Variants in MIA3 observed in about 807,000 individuals in gnomAD.
The protein encoded by MIA3 is transport and Golgi organization protein 1 homolog.
A neutral mutation model predicts 192.4 loss-of-function variants in MIA3; 90 were observed. The observed-to-expected ratio is 0.47, with a 90% CI of 0.39 to 0.56. The LOEUF (loss-of-function observed/expected upper bound fraction) is 0.56, where lower values mean the gene tolerates loss of function less well. Ranked by LOEUF, MIA3 falls within the 20% of genes least tolerant of loss-of-function variation. The probability of loss-of-function intolerance (pLI) is 0.00; values close to 1 mark genes in which losing one functional copy is unlikely to be tolerated. For synonymous variants in MIA3, 740 were observed against 792.8 expected, an observed-to-expected ratio of 0.93 and a Z score of 1.12; for missense variants, 2,123 against 2,269.4, an observed-to-expected ratio of 0.94 and a Z score of 1.31.
intron 6 of MIA3, among the ~76,000 whole-genome samples, chr1:222,643,149 C>T (rs766504429): frequency 6.8e-5 from 10 of 147,196 alleles, no homozygotes; most frequent in African/African-American, 2.6e-4. Context: ...GAGACAGTCA[C>T]TCAATTTTTT....
intron 6 of MIA3, chr1:222,641,953 C>G (rs892912689): frequency 2.7e-6 from 1 of 363,776 alleles, no homozygotes. Context: ...CAATGAAATG[C>G]TACTCAGCAA....
At chr1:222,623,375 C>T (rs1045091754) in intron 2 of MIA3, among the ~76,000 whole-genome samples, 5 of 151,430 alleles carry the variant, frequency 3.3e-5, no homozygotes. Context: ...ATTTCCCTTT[C>T]CCTATATACC....
Position 222,650,864 on chromosome 1 carries a change from A to G in MIA3, c.3870A>G (p.Leu1290=), listed in dbSNP as rs2124904038. The change falls in exon 11 of 28, where the codon CTA becomes CTG. Residue 1290 remains leucine (L), a synonymous_variant. Transcript: ENST00000344922. ...CAGCTAAAAATCTTCGTGTTATGCT[A>G]GAATCTGAGAGAGAACAGAATGTCA... ...DDTAKNLRVM[L]ESEREQNVKN... is the part of the protein sequence containing the mutation. The G allele has an allele frequency of 6.2e-7, 1 of 1,607,740 alleles. No individual in the cohort carries two copies. Among genetic ancestry groups the G allele is most frequent in the Non-Finnish European group, 8.5e-7 (1 of 1,177,466 alleles).
At chr1:222,644,570 TA>T in intron 6 of MIA3, 1 of 1,550,610 alleles carries the variant, frequency 6.4e-7, no homozygotes, top group Non-Finnish European at 8.7e-7. Context: ...GCAGCCTTCA[TA>T]GCCAAGCTGC....
At chr1:222,627,467 T>C in intron 3 of MIA3, 108 bp from the exon 4 acceptor site, 1 of 1,013,310 alleles carries the variant, frequency 9.9e-7, no homozygotes, top group Non-Finnish European at 1.5e-6. Flanking sequence ...CAAAAGCTCC[T>C]CTAGAGCCAA....
chr1:222,648,864 CT>C lies in MIA3; in HGVS notation c.3631+20del. 13 of 1,437,382 alleles carry C rather than the reference CT, an allele frequency of 9.0e-6. No homozygotes were observed. Among genetic ancestry groups the C allele is most frequent in the South Asian group, 2.4e-5 (2 of 83,376 alleles). 89.0% of individuals were successfully genotyped at this position (1,437,382 alleles called of 1,614,324 possible). Reference sequence around the variant, plus strand: ...GAGTATATCAAGGTAAATCTTTAGGCTTTTTTGTTATTTGTACTAGTCCCTC... The same window carrying C: ...GAGTATATCAAGGTAAATCTTTAGGCTTTTTGTTATTTGTACTAGTCCCTC... On this transcript the variant is annotated intron_variant, in intron 8 of 27. Transcript: ENST00000344922.
chr1:222,664,016 G>T lies in MIA3; in HGVS notation c.5281G>T (p.Gly1761Trp), dbSNP rs77642140. The T allele has an allele frequency of 6.2e-7, 1 of 1,613,410 alleles. No individual in the cohort carries two copies. The highest frequency in any genetic ancestry group is 1.7e-5 in the Admixed American group (1 of 59,920). ...DEGKVNMAPK[G>W]PPPFPGVPLM... ...TCTGCAGGTTAATATGGCTCCAAAA[G>T]GGCCCCCTCCTTTCCCAGGAGTCCC... Residue 1761 changes from glycine (G) to tryptophan (W), a missense_variant, in exon 27 of 28, where the codon GGG (glycine) becomes TGG (tryptophan). Gly to Trp is a radical substitution (Grantham distance 184). This residue lies in a region of MIA3 where 762 missense variants were observed against 856.4 expected (regional missense o/e 0.89). Transcript: ENST00000344922.
intron 6 of MIA3, among the ~76,000 whole-genome samples, chr1:222,634,685 G>A (rs1287200327): frequency 6.6e-6 from 1 of 152,148 alleles, no homozygotes; most frequent in Non-Finnish European, 1.5e-5. Flanking sequence ...AGGCCAGGTT[G>A]CCCTTAGGGC....
In MIA3 at chr1:222,628,550, C is replaced by G. The variant is rs1158930648; in HGVS notation, c.1330C>G (p.Leu444Val). 2.5e-6 allele frequency: 4 copies of G among 1,613,976 alleles called. No homozygotes were observed. The East Asian group carries it at 8.9e-5, about 36-fold the overall frequency. Residue 444 changes from leucine (L) to valine (V), a missense_variant, in exon 4 of 28, where the codon CTT (leucine) becomes GTT (valine). By Grantham distance (32) the Leu-to-Val change is conservative. Coordinates refer to ENST00000344922, the MANE Select transcript of MIA3 (RefSeq NM_198551.4). ...YSDPDNVDDG[L>V]FIVDIPKTNN... ...TGACCCTGACAATGTAGATGATGGT[C>G]TTTTTATTGTAGACATTCCTAAAAC...
intron 1 of MIA3, among the ~76,000 whole-genome samples, chr1:222,620,420 G>A (rs1310557861): frequency 2.0e-5 from 3 of 152,162 alleles, no homozygotes; most frequent in African/African-American, 7.2e-5. Context: ...TTTGTTTATA[G>A]AAAAATATAC....
Position 222,655,249 on chromosome 1 carries a change from A to G in MIA3, c.4607+456A>G, listed in dbSNP as rs1381920705. Among the ~76,000 whole-genome samples, 3 of 152,272 alleles carry G rather than the reference A, an allele frequency of 2.0e-5. 1 individual carries two copies. The highest frequency in any genetic ancestry group is 4.4e-5 in the Non-Finnish European group (3 of 68,042). ...TTTAGTTTTGGACTTCACAGAGTAA[A>G]ATATTCAAACTAAACATAATTGTGG... On this transcript the variant is annotated intron_variant, in intron 18 of 27. Coordinates refer to ENST00000344922, the MANE Select transcript of MIA3 (RefSeq NM_198551.4).
rs1339862950 is a variant in MIA3, at chr1:222,660,283, C to T, written c.5082C>T (p.Leu1694=). 2 of 1,613,922 alleles carry T rather than the reference C, an allele frequency of 1.2e-6. No individual in the cohort carries two copies. The highest frequency in any genetic ancestry group is 1.7e-6 in the Non-Finnish European group (2 of 1,179,868). Reference sequence around the variant, plus strand: ...CCGTGAGACCTCTCTCTGCTACTCTCAATCGAAGAGATATGCCTAGAAGTG... The same window carrying T: ...CCGTGAGACCTCTCTCTGCTACTCTTAATCGAAGAGATATGCCTAGAAGTG... The part of the protein sequence containing the change: ...EPPVRPLSAT[L]NRRDMPRSEF... Residue 1694 remains leucine, a synonymous_variant, in exon 24 of 28, where the codon CTC becomes CTT. Coordinates refer to ENST00000344922, the MANE Select transcript of MIA3 (RefSeq NM_198551.4).
Position 222,628,231 on chromosome 1 carries a change from A to G in MIA3, c.1011A>G (p.Glu337=). 6.2e-7 allele frequency: 1 copy of G among 1,614,152 alleles called. No homozygotes were observed. Among genetic ancestry groups the G allele is most frequent in the Non-Finnish European group, 8.5e-7 (1 of 1,180,030 alleles). Residue 337 remains glutamate (E), a synonymous_variant, in exon 4 of 28, where the codon GAA becomes GAG. Transcript: ENST00000344922. ...ELPLLTFTDG[E]DMKTPAKSGV... is the part of the protein sequence containing the mutation. ...CATTACTTACCTTTACAGATGGGGA[A>G]GATATGAAAACTCCAGCAAAGTCTG...
intron 6 of MIA3, among the ~76,000 whole-genome samples, chr1:222,633,817 C>T (rs768390194): frequency 6.6e-6 from 1 of 150,572 alleles, no homozygotes; most frequent in Non-Finnish European, 1.5e-5. Context: ...TTTGGGGAAG[C>T]CAGGGAAGCG....
chr1:222,648,894 A>G lies in MIA3; in HGVS notation c.3631+44A>G, dbSNP rs1162389408. On this transcript the variant is annotated intron_variant, in intron 8 of 27. Coordinates refer to ENST00000344922, the MANE Select transcript of MIA3 (RefSeq NM_198551.4). ...TTGTTATTTGTACTAGTCCCTCTGT[A>G]TTGGTGTTTGATATGGATTTTATAT... 3 of 1,256,106 alleles carry G rather than the reference A, an allele frequency of 2.4e-6. No individual in the cohort carries two copies. The African/African-American group carries it at 4.5e-5, about 19-fold the overall frequency. 77.8% of individuals were successfully genotyped at this position (1,256,106 alleles called of 1,614,324 possible).
At position 222,642,139 on chromosome 1, in the gene MIA3, A is replaced by G. The variant is rs543618762; in HGVS notation, c.3478-3415A>G. Among the ~76,000 whole-genome samples, 3 of 152,296 alleles carry G rather than the reference A, an allele frequency of 2.0e-5. No homozygotes were observed. The South Asian group carries it at 6.2e-4, about 32-fold the overall frequency. On this transcript the variant is annotated intron_variant, in intron 6 of 27. Coordinates refer to ENST00000344922, the MANE Select transcript of MIA3 (RefSeq NM_198551.4). ...TGCTTCAGGGGCAGGGAGGGATGAA[A>G]AGGGGCAGATTACCAAGGGAATAAG...
At chr1:222,621,756 T>A (rs1485967432) in intron 2 of MIA3, among the ~76,000 whole-genome samples, 1 of 152,164 alleles carries the variant, frequency 6.6e-6, no homozygotes, top group Non-Finnish European at 1.5e-5. Flanking sequence ...TCATCTGTGC[T>A]ATTATAAGTC....
chr1:222,628,455 A>T lies in MIA3; in HGVS notation c.1235A>T (p.Lys412Ile), dbSNP rs1305555177. The T allele has an allele frequency of 1.2e-6, 2 of 1,612,504 alleles. No homozygotes were observed. Among genetic ancestry groups the T allele is most frequent in the African/African-American group, 2.7e-5 (2 of 74,720 alleles). Residue 412 changes from lysine to isoleucine, a missense_variant, in exon 4 of 28, where the codon AAA (lysine) becomes ATA (isoleucine). Physicochemically the swap from Lys to Ile is moderately radical, Grantham distance 102. Around this residue, in one of 3 missense-constraint regions of MIA3, gnomAD observed 1,357 missense variants for 1,396.1 expected, o/e 0.97. Coordinates refer to ENST00000344922, the MANE Select transcript of MIA3 (RefSeq NM_198551.4). ...GAGAGCTCTAGTTCAGAGGAAGAAA[A>T]AGAAGATGATGATGATGCATTAGTC... ...DLESSSSEEEKEDDDDALVPD... is the reference protein window; with the variant it reads ...DLESSSSEEEIEDDDDALVPD...
rs763651212 is a variant in MIA3 at position 222,628,193 on chromosome 1, T to G, written c.973T>G (p.Phe325Val). 1.2e-6 allele frequency: 2 copies of G among 1,614,086 alleles called. No homozygotes were observed. The highest frequency in any genetic ancestry group is 1.7e-6 in the Non-Finnish European group (2 of 1,180,026). Reference sequence around the variant, plus strand: ...GGAAGATGAGGAGAACCAAGAAGACTTTGATGAGTTGCCATTACTTACCTT... The same window carrying G: ...GGAAGATGAGGAGAACCAAGAAGACGTTGATGAGTTGCCATTACTTACCTT... ...GKEDEENQED[F>V]DELPLLTFTD... Residue 325 changes from phenylalanine (F) to valine (V), a missense_variant, in exon 4 of 28, where the codon TTT (phenylalanine) becomes GTT (valine). By Grantham distance (50) the Phe-to-Val change is conservative. Transcript: ENST00000344922.
Sources: gnomAD v4.1 joint callset for allele counts (sites outside exome capture counted in the v4.1 genomes callset) on GRCh38, gnomAD v4.1.1 for gene constraint, gnomAD v4.1.1 regional missense constraint, MANE v1.5 for transcripts, NCBI Gene and HGNC (gene_info 2026-07-23, HGNC 2026-07-21) for gene names.